SLC44A5: variants seen among roughly 807,000 people sequenced by gnomAD.
SLC44A5 encodes the protein solute carrier family 44 member 5.
A neutral mutation model predicts 101.8 loss-of-function variants in SLC44A5; 57 were observed. That is an observed-to-expected ratio of 0.56 (90% confidence interval 0.45 to 0.70). SLC44A5 has a LOEUF of 0.70. Among genes scored for constraint, SLC44A5 ranks in the 30% least tolerant of loss-of-function variants. The pLI is 0.00. For synonymous variants in SLC44A5, 281 were observed against 290.9 expected (o/e 0.97, Z 0.35); for missense variants, 737 against 853.1 (o/e 0.86, Z 1.70).
chr1:75,343,837 T>C (rs1316264612), intron 3 of SLC44A5, among the ~76,000 whole-genome samples: 1 of 152,142 alleles, frequency 6.6e-6, no homozygotes, highest in Admixed American at 6.6e-5. Flanking sequence ...GGGCCTGTCA[T>C]TTCATTCAAA....
intron 12 of SLC44A5, among the ~76,000 whole-genome samples, chr1:75,229,472 CTT>C (rs1252051022): frequency 6.6e-6 from 1 of 152,190 alleles, no homozygotes; most frequent in Non-Finnish European, 1.5e-5. Flanking sequence ...TCAACACACT[CTT>C]ATGTTATAAG....
chr1:75,275,713 G>A lies in SLC44A5; in HGVS notation c.176-671C>T, dbSNP rs1651863241. ...CAAACACATTACCCTTATTTTTTAA[G>A]AATTATAAACTTAACTTGATAGCTA... On this transcript the variant is annotated intron_variant, in intron 5 of 23. Transcript: ENST00000370859. 2.6e-5 allele frequency among the ~76,000 whole-genome samples: 4 copies of A among 151,958 alleles called. No individual in the cohort carries two copies. In the South Asian group the frequency reaches 6.2e-4, roughly 24 times the overall value.
chr1:75,480,849 A>G (rs1667797156), intron 2 of SLC44A5, among the ~76,000 whole-genome samples: 1 of 152,222 alleles, frequency 6.6e-6, no homozygotes, highest in Non-Finnish European at 1.5e-5. Flanking sequence ...TATAGATTCA[A>G]TGCCATCCCC....
intron 2 of SLC44A5, among the ~76,000 whole-genome samples, chr1:75,412,037 T>C (rs979310815): frequency 1.3e-5 from 2 of 152,114 alleles, no homozygotes; most frequent in Admixed American, 6.6e-5. Flanking sequence ...ACTTTTAGTA[T>C]CTAATTAAAC....
intron 2 of SLC44A5, among the ~76,000 whole-genome samples, chr1:75,461,407 G>T (rs1178711435): frequency 6.6e-6 from 1 of 152,074 alleles, no homozygotes; most frequent in Non-Finnish European, 1.5e-5. Flanking sequence ...ATCCAAAGAG[G>T]TAAATAATAT....
chr1:75,280,461 A>ATTG (rs1652430662), intron 5 of SLC44A5, among the ~76,000 whole-genome samples: 1 of 105,516 alleles, frequency 9.5e-6, no homozygotes, highest in Non-Finnish European at 1.8e-5. Context: ...TATATATAGT[A>ATTG]TATATAATAT....
At chr1:75,204,892 C>A (rs1268849202) in intron 23 of SLC44A5, 1 of 152,166 alleles carries the variant, frequency 6.6e-6, no homozygotes, top group Non-Finnish European at 1.5e-5. Flanking sequence ...TTGGGCAGAG[C>A]ACAAACATCT....
intron 23 of SLC44A5, chr1:75,205,547 T>C (rs1272993381): frequency 2.6e-5 from 4 of 152,190 alleles, no homozygotes; most frequent in Non-Finnish European, 5.9e-5. Context: ...CGGTGGCAGG[T>C]GGCAACAACT....
chr1:75,354,441 C>A (rs1283857690), intron 3 of SLC44A5, among the ~76,000 whole-genome samples: 1 of 152,214 alleles, frequency 6.6e-6, no homozygotes, highest in Non-Finnish European at 1.5e-5. Context: ...CCCATTATCT[C>A]AAGCAGCCAT....
the SLC44A5 span, among the ~76,000 whole-genome samples, chr1:75,683,299 A>G: frequency 6.6e-6 from 1 of 152,198 alleles, no homozygotes; most frequent in Non-Finnish European, 1.5e-5. Context: ...ATAAAGACAC[A>G]TGCATACGTA....
chr1:75,210,881 A>T (rs1646839791), intron 23 of SLC44A5, among the ~76,000 whole-genome samples: 1 of 152,154 alleles, frequency 6.6e-6, no homozygotes, highest in South Asian at 2.1e-4. Context: ...TTTTTATCCA[A>T]CTTTATTGAG....
the SLC44A5 span, among the ~76,000 whole-genome samples, chr1:75,708,486 T>G: frequency 1.3e-5 from 2 of 151,246 alleles, no homozygotes; most frequent in Non-Finnish European, 2.9e-5. Context: ...CAGGATTATG[T>G]GCCAAAGAAA....
At chr1:75,427,210 C>T (rs1010810165) in intron 2 of SLC44A5, among the ~76,000 whole-genome samples, 6 of 152,182 alleles carry the variant, frequency 3.9e-5, no homozygotes, top group Non-Finnish European at 8.8e-5. Context: ...TTTGCATCCT[C>T]ATTATTTCTC....
At chr1:75,691,169 CT>C in the SLC44A5 span, among the ~76,000 whole-genome samples, 3 of 152,078 alleles carry the variant, frequency 2.0e-5, no homozygotes, top group South Asian at 6.2e-4. Flanking sequence ...TGTCAAGAGC[CT>C]GAACACCAGC....
At chr1:75,222,266 T>G (rs1050701989) in intron 14 of SLC44A5, 95 bp downstream of exon 14, 23 of 992,358 alleles carry the variant, frequency 2.3e-5, no homozygotes, top group Non-Finnish European at 3.4e-5. Context: ...AAAAGTGTTC[T>G]TAAAAGGAAA....
intron 2 of SLC44A5, among the ~76,000 whole-genome samples, chr1:75,468,354 G>A (rs1414464486): frequency 6.6e-6 from 1 of 152,148 alleles, no homozygotes; most frequent in Non-Finnish European, 1.5e-5. Flanking sequence ...GTGTATCAAA[G>A]AGATATCTGC....
intron 1 of SLC44A5, among the ~76,000 whole-genome samples, chr1:75,603,308 T>C (rs1041968752): frequency 6.6e-6 from 1 of 151,994 alleles, no homozygotes; most frequent in African/African-American, 2.4e-5. Flanking sequence ...GCAAAGGAAA[T>C]GATTTTGTTC....
At chr1:75,647,266 C>G in the SLC44A5 span, among the ~76,000 whole-genome samples, 233 of 152,310 alleles carry the variant, frequency 1.5e-3, 11 homozygotes, top group East Asian at 0.041. Context: ...GTTGGGCCTG[C>G]AGGTACAAAG....
At chr1:75,684,002 G>T in the SLC44A5 span, among the ~76,000 whole-genome samples, 2 of 152,104 alleles carry the variant, frequency 1.3e-5, no homozygotes, top group Admixed American at 1.3e-4. Context: ...AATTTATAAA[G>T]GAAAGAGGTT....
Sources: gnomAD v4.1 joint callset for allele counts (sites outside exome capture counted in the v4.1 genomes callset) on GRCh38, gnomAD v4.1.1 for gene constraint, MANE v1.5 for transcripts, NCBI Gene and HGNC (gene_info 2026-07-23, HGNC 2026-07-21) for gene names.